STOX2: variants seen among roughly 807,000 people sequenced by gnomAD.
STOX2 encodes storkhead-box protein 2.
A neutral mutation model predicts 60.9 loss-of-function variants in STOX2; 28 were observed. That is an observed-to-expected ratio of 0.46 (90% CI 0.34 to 0.63). The LOEUF is 0.63. Among genes scored for constraint, STOX2 ranks in the 30% least tolerant of loss-of-function variants. STOX2 has a pLI of 0.01. For synonymous variants in STOX2, 472 were observed against 463.9 expected (o/e 1.02, Z -0.22); for missense variants, 1,024 against 1,187.7 (o/e 0.86, Z 2.03).
At chr4:183,994,677 G>A (rs550026273) in intron 1 of STOX2, among the ~76,000 whole-genome samples, 24 of 152,212 alleles carry the variant, frequency 1.6e-4, no homozygotes, top group East Asian at 5.8e-4. Context: ...GGCGCAGAGC[G>A]GATAATTGTA....
rs982091993 is a variant in STOX2 at position 183,915,474 on chromosome 4, G to A, written c.166+8518G>A. On this transcript the variant is annotated intron_variant, in intron 1 of 3. Transcript: ENST00000308497. ...AGTATCTGAACCTCTTTTCGATGTC[G>A]GTGTCATTCCTCATTGTTACGCGTC... Among the ~76,000 whole-genome samples the A allele has an allele frequency of 4.6e-5, 7 of 151,270 alleles. No individual in the cohort carries two copies. In the East Asian group the frequency reaches 5.8e-4, roughly 13 times the overall value.
intron 1 of STOX2, among the ~76,000 whole-genome samples, chr4:183,897,965 C>A (rs778303414): frequency 6.6e-6 from 1 of 152,014 alleles, no homozygotes; most frequent in Non-Finnish European, 1.5e-5. Context: ...CTGATTATCA[C>A]GTTCCTTTTT....
chr4:183,918,802 G>C (rs576531233), intron 1 of STOX2, among the ~76,000 whole-genome samples: 89 of 152,332 alleles, frequency 5.8e-4, no homozygotes, highest in Middle Eastern at 6.8e-3. Context: ...ACGAGCAGAC[G>C]GTTTGGCAGC....
intron 1 of STOX2, among the ~76,000 whole-genome samples, chr4:183,918,496 G>A (rs562131890): frequency 2.6e-5 from 4 of 152,332 alleles, no homozygotes; most frequent in East Asian, 1.9e-4. Flanking sequence ...TCTGAGCTGC[G>A]AGTTCAGCTG....
intron 1 of STOX2, among the ~76,000 whole-genome samples, chr4:184,000,472 C>G (rs1404598805): frequency 6.6e-6 from 1 of 152,166 alleles, no homozygotes; most frequent in Non-Finnish European, 1.5e-5. Flanking sequence ...CCACAGTCAT[C>G]TTTCTGAAAT....
chr4:183,861,751 A>C (rs930055002), intron 1 of STOX2, among the ~76,000 whole-genome samples: 1 of 152,220 alleles, frequency 6.6e-6, no homozygotes, highest in African/African-American at 2.4e-5. Flanking sequence ...GTGGGTCCTC[A>C]AAAATAGTAG....
chr4:184,012,420 A>T (rs1241637669), intron 3 of STOX2, among the ~76,000 whole-genome samples: 1 of 152,142 alleles, frequency 6.6e-6, no homozygotes, highest in East Asian at 1.9e-4. Context: ...TTCAGATAGG[A>T]TTATGTACTT....
At chr4:184,012,671 T>C (rs560058713) in intron 3 of STOX2, among the ~76,000 whole-genome samples, 2 of 152,226 alleles carry the variant, frequency 1.3e-5, no homozygotes, top group East Asian at 3.9e-4. Flanking sequence ...TCTAAATGTC[T>C]GCACAGAGCT....
intron 1 of STOX2, among the ~76,000 whole-genome samples, chr4:183,872,340 A>G (rs1740713108): frequency 6.6e-6 from 1 of 152,176 alleles, no homozygotes; most frequent in Non-Finnish European, 1.5e-5. Context: ...ACAGACGTGA[A>G]CCACTGTGCC....
chr4:184,020,682 AG>A lies in STOX2; in HGVS notation c.*3408del, dbSNP rs3841106. The A allele has an allele frequency of 0.36, 51,638 of 142,612 alleles. 9,550 individuals are homozygous for A. The highest frequency in any genetic ancestry group is 0.46 in the East Asian group (2,201 of 4,782). 8.8% of individuals were successfully genotyped at this position (142,612 alleles called of 1,614,324 possible). On this transcript the variant is annotated 3_prime_UTR_variant, in exon 4 of 4. Coordinates refer to ENST00000308497, the MANE Select transcript of STOX2 (RefSeq NM_020225.3). Reference sequence around the variant, plus strand: ...CAGGGGACCATAATGAACATATGAAAGGGGGGGGGGTGCCATCAAATAGAGA... The same window carrying A: ...CAGGGGACCATAATGAACATATGAAAGGGGGGGGGTGCCATCAAATAGAGA...
At chr4:183,968,937 C>T (rs1309552783) in intron 1 of STOX2, among the ~76,000 whole-genome samples, 1 of 152,194 alleles carries the variant, frequency 6.6e-6, no homozygotes, top group Non-Finnish European at 1.5e-5. Context: ...TGACTTTAAG[C>T]TGTATAGGCG....
In STOX2 at chr4:183,821,897, G is replaced by T. The variant is rs2111111327; in HGVS notation, c.364+23842G>T. 6.6e-6 allele frequency among the ~76,000 whole-genome samples: 1 copy of T among 152,352 alleles called. No individual in the cohort carries two copies. The highest frequency in any genetic ancestry group is 2.1e-4 in the South Asian group (1 of 4,828). ...TTGGAGCTTAGGATCTAACAGAAATGGATGGGGCTTTAGAAGTCTATGTCC... is the reference window on the plus strand; with the variant it reads ...TTGGAGCTTAGGATCTAACAGAAATTGATGGGGCTTTAGAAGTCTATGTCC... On this transcript the variant is annotated intron_variant, in intron 1 of 2. Coordinates refer to the STOX2 transcript ENST00000513034. The surrounding 1 kb of genome is among the most constrained non-coding windows in gnomAD (Gnocchi z 4.2).
intron 1 of STOX2, among the ~76,000 whole-genome samples, chr4:183,868,449 T>A (rs1740620715): frequency 6.6e-6 from 1 of 152,194 alleles, no homozygotes; most frequent in Non-Finnish European, 1.5e-5. Context: ...AAAAAATTGT[T>A]TCTCTATGTA....
intron 1 of STOX2, among the ~76,000 whole-genome samples, chr4:183,957,293 T>G: frequency 6.6e-6 from 1 of 152,074 alleles, no homozygotes; most frequent in East Asian, 1.9e-4. Flanking sequence ...TGTCTTTTTC[T>G]TTTTGTAATT....
intron 1 of STOX2, among the ~76,000 whole-genome samples, chr4:183,887,599 A>G (rs1741113855): frequency 6.6e-6 from 1 of 152,136 alleles, no homozygotes. Context: ...TTCACACAAC[A>G]TTAGGAGAGA....
At chr4:183,969,129 CAT>C (rs1460593809) in intron 1 of STOX2, among the ~76,000 whole-genome samples, 6 of 152,254 alleles carry the variant, frequency 3.9e-5, no homozygotes, top group African/African-American at 7.2e-5. Flanking sequence ...ATGTGGTAGA[CAT>C]GTGGGTTTTT....
chr4:183,841,185 AT>A (rs1451468819), intron 1 of STOX2, among the ~76,000 whole-genome samples: 90 of 147,154 alleles, frequency 6.1e-4, no homozygotes, highest in African/African-American at 2.3e-3. Flanking sequence ...CGTAGTATTT[AT>A]TTATTTATTT....
rs572075286 is a variant in STOX2 at position 183,821,505 on chromosome 4, C to T, written c.364+23450C>T. 6.6e-6 allele frequency among the ~76,000 whole-genome samples: 1 copy of T among 152,348 alleles called. No individual in the cohort carries two copies. The highest frequency in any genetic ancestry group is 1.9e-4 in the East Asian group (1 of 5,190). On this transcript the variant is annotated intron_variant, in intron 1 of 2. Coordinates refer to the STOX2 transcript ENST00000513034. This position sits in a 1 kb window ranked among gnomAD's most constrained non-coding sequence, Gnocchi z 4.2. ...TTCACCCATGACCCTTAAGAGAATG[C>T]GGGTGATCCCAACCCTTGCTGCGAA...
chr4:183,832,816 G>A (rs908772496), intron 1 of STOX2, among the ~76,000 whole-genome samples: 1 of 145,012 alleles, frequency 6.9e-6, no homozygotes, highest in Admixed American at 6.6e-5. Context: ...CCTTACTGTC[G>A]TTAGGCTCTT....
Sources: allele counts gnomAD v4.1 joint callset (sites outside exome capture counted in the v4.1 genomes callset), GRCh38; gene constraint gnomAD v4.1.1; non-coding constraint Gnocchi (gnomAD v3.1); transcripts MANE v1.5; gene names NCBI Gene and HGNC (gene_info 2026-07-23, HGNC 2026-07-21).